Variants in TRPM7 observed in about 807,000 individuals in gnomAD.
TRPM7 encodes transient receptor potential cation channel subfamily M member 7, also known as LTRPC ion channel family member 7.
TRPM7 carries 134 observed loss-of-function variants against 229.7 expected under a neutral mutation model. That is an observed-to-expected ratio of 0.58 (90% CI 0.51 to 0.67). TRPM7 has a LOEUF of 0.67. Ranked by LOEUF, TRPM7 falls within the 30% of genes least tolerant of loss-of-function variation. The pLI, the probability that TRPM7 is intolerant of heterozygous loss-of-function variation, is 0.00. For missense variants in TRPM7, 1,901 were observed against 2,210.0 expected, an observed-to-expected ratio of 0.86 and a Z score of 2.80; for synonymous variants, 699 against 715.2, an observed-to-expected ratio of 0.98 and a Z score of 0.36.
At chr15:50,601,479 T>C (rs1424799278) in intron 21 of TRPM7, among the ~76,000 whole-genome samples, 1 of 151,934 alleles carries the variant, frequency 6.6e-6, no homozygotes, top group Admixed American at 6.6e-5. Context: ...CTGTCTCCAC[T>C]AAAAATACAA....
At position 50,557,577 on chromosome 15, in the gene TRPM7, A is replaced by C. The variant is rs1175103453; in HGVS notation, c.*4101T>G. The C allele has an allele frequency of 6.6e-6, 1 of 152,264 alleles. No individual in the cohort carries two copies. The highest frequency in any genetic ancestry group is 1.5e-5 in the Non-Finnish European group (1 of 68,048). The allele number at this position is 152,264 out of a possible 1,614,324, so 9.4% of individuals were successfully genotyped here. A position where few individuals can be genotyped will look rare whatever the true frequency, so the allele number is the denominator to read the frequency against. The stretch of plus-strand genomic sequence containing the variant: ...AATACAATCAACATGTATTACTTGT[A>C]AAATAATAGCATACATATATCGACA... On this transcript the variant is annotated 3_prime_UTR_variant, in exon 39 of 39. Transcript: ENST00000646667.
At position 50,612,100 on chromosome 15, in the gene TRPM7, CTTT is replaced by C. The variant is rs772411640; in HGVS notation, c.2051+446_2051+448del. 4.6e-5 allele frequency among the ~76,000 whole-genome samples: 7 copies of C among 152,254 alleles called. No individual in the cohort carries two copies. The East Asian group carries it at 1.2e-3, about 25-fold the overall frequency. ...ATTAAAATGAATTCTGGCATTTCTT[CTTT>C]GTTTCGAGACAGGGTCTATTGCTGT... is the stretch of plus-strand genomic sequence containing the variant. On this transcript the variant is annotated intron_variant, in intron 16 of 38. Transcript: ENST00000646667.
rs923671830 is a variant in TRPM7 at position 50,559,252 on chromosome 15, T to G, written c.*2426A>C. 5.3e-5 allele frequency: 8 copies of G among 151,980 alleles called. No homozygotes were observed. Among genetic ancestry groups the G allele is most frequent in the Non-Finnish European group, 1.2e-4 (8 of 68,062 alleles). 9.4% of individuals were successfully genotyped at this position (151,980 alleles called of 1,614,324 possible). ...ATTTTTAGTAGAGACGGGGTTTCAC[T>G]ATGTTGGTCAGGCTGGTCTCGAACT... On this transcript the variant is annotated 3_prime_UTR_variant, in exon 39 of 39. Transcript: ENST00000646667.
rs1409591900 is a variant in TRPM7 at position 50,592,066 on chromosome 15, CTAG to C, written c.4166_4168del (p.Thr1389del). Reference sequence around the variant, plus strand: ...TGGTGGGGATGACAGATGTGGTATGCTAGTAGATGAACTGCCTAATTTTTGATT... The same window carrying C: ...TGGTGGGGATGACAGATGTGGTATGCTAGATGAACTGCCTAATTTTTGATT... On this transcript the variant is annotated inframe_deletion, in exon 26 of 39. Transcript: ENST00000646667. The C allele has an allele frequency of 2.5e-6, 4 of 1,612,946 alleles. No homozygotes were observed. The highest frequency in any genetic ancestry group is 2.7e-5 in the African/African-American group (2 of 74,840).
chr15:50,679,955 A>G (rs12591116), intron 1 of TRPM7, among the ~76,000 whole-genome samples: 1 of 151,910 alleles, frequency 6.6e-6, no homozygotes, highest in Non-Finnish European at 1.5e-5. Flanking sequence ...AAAATGCATG[A>G]CCGGGCGGTG....
In TRPM7 at chr15:50,643,018, G is replaced by A. The variant is rs1255734811; in HGVS notation, c.535+322C>T. ...TTATAAAAAAATTTAAGGGCCGGGC[G>A]TGGTGGCTAATGCCTGTAATCCCAG... On this transcript the variant is annotated intron_variant, in intron 5 of 38. Coordinates refer to ENST00000646667, the MANE Select transcript of TRPM7 (RefSeq NM_017672.6). Among the ~76,000 whole-genome samples, 12 of 152,164 alleles carry A rather than the reference G, an allele frequency of 7.9e-5. No individual in the cohort carries two copies. The East Asian group carries it at 1.3e-3, about 17-fold the overall frequency.
At chr15:50,668,283 G>A (rs1166635001) in intron 1 of TRPM7, among the ~76,000 whole-genome samples, 7 of 152,162 alleles carry the variant, frequency 4.6e-5, no homozygotes, top group African/African-American at 1.7e-4. Flanking sequence ...TTAACTTCAT[G>A]GACTGAATTA....
chr15:50,645,786 C>T (rs935013779), intron 4 of TRPM7, among the ~76,000 whole-genome samples: 2 of 152,038 alleles, frequency 1.3e-5, no homozygotes, highest in Admixed American at 1.3e-4. Flanking sequence ...CAATGATGGG[C>T]TAGGTTGATT....
At chr15:50,638,248 A>G (rs1056302351) in intron 6 of TRPM7, among the ~76,000 whole-genome samples, 31 of 150,350 alleles carry the variant, frequency 2.1e-4, no homozygotes, top group African/African-American at 7.1e-4. Flanking sequence ...AGTCCCAGCT[A>G]CTCGGGAGGC....
intron 27 of TRPM7, among the ~76,000 whole-genome samples, chr15:50,588,632 T>C (rs1405262374): frequency 6.6e-6 from 1 of 152,172 alleles, no homozygotes; most frequent in Non-Finnish European, 1.5e-5. Flanking sequence ...GTTTTCACTG[T>C]GTATGTCACT....
chr15:50,646,845 TTATA>T (rs1186459955), intron 4 of TRPM7, among the ~76,000 whole-genome samples: 1 of 152,198 alleles, frequency 6.6e-6, no homozygotes, highest in Non-Finnish European at 1.5e-5. Context: ...TTTTTCTTGT[TTATA>T]TATATTTAGA....
At chr15:50,651,901 CAATA>C (rs888395623) in intron 3 of TRPM7, among the ~76,000 whole-genome samples, 6 of 151,198 alleles carry the variant, frequency 4.0e-5, no homozygotes, top group African/African-American at 1.2e-4. Flanking sequence ...TAAATAAATA[CAATA>C]AATAAATAAA....
At chr15:50,676,051 A>G (rs1377347726) in intron 1 of TRPM7, among the ~76,000 whole-genome samples, 1 of 152,242 alleles carries the variant, frequency 6.6e-6, no homozygotes, top group African/African-American at 2.4e-5. Flanking sequence ...AAGTTGTTTT[A>G]GCACAATGCA....
intron 29 of TRPM7, chr15:50,582,468 T>C (rs1400929983): frequency 6.6e-6 from 1 of 152,156 alleles, no homozygotes; most frequent in African/African-American, 2.4e-5. Flanking sequence ...GAGTTCTAAA[T>C]TGCCATTGTG....
chr15:50,678,239 C>CAAAAAAAAAAAAAAAAAAA (rs527874854), intron 1 of TRPM7, among the ~76,000 whole-genome samples: 1 of 92,100 alleles, frequency 1.1e-5, no homozygotes. Context: ...GACTCTCTCT[C>CAAAAAAAAAAAAAAAAAAA]AAAAAAAAAA....
rs1376256274 is a variant in TRPM7 at position 50,575,777 on chromosome 15, T to C, written c.4682A>G (p.Asn1561Ser). 1 of 1,613,620 alleles carries C rather than the reference T, an allele frequency of 6.2e-7. No individual in the cohort carries two copies. The highest frequency in any genetic ancestry group is 8.5e-7 in the Non-Finnish European group (1 of 1,179,778). ...TNYYYSAVER[N>S]NLMRLSQSIP... ...GCTCTGTGATAACCTCATCAAGTTA[T>C]TTCTTTCCACAGCTGCATAAAAATG... is the stretch of plus-strand genomic sequence containing the variant. Residue 1561 changes from asparagine to serine, a missense_variant, in exon 33 of 39, where the codon AAT (asparagine) becomes AGT (serine). Coordinates refer to ENST00000646667, the MANE Select transcript of TRPM7 (RefSeq NM_017672.6).
At chr15:50,628,557 C>T (rs997976203) in intron 10 of TRPM7, among the ~76,000 whole-genome samples, 4 of 152,124 alleles carry the variant, frequency 2.6e-5, no homozygotes, top group Admixed American at 6.5e-5. Flanking sequence ...CCTGCCACTT[C>T]GGCCTCCCAG....
intron 36 of TRPM7, 76 bp from the exon 37 acceptor site, chr15:50,570,231 A>C: frequency 9.5e-7 from 1 of 1,054,352 alleles, no homozygotes. Context: ...TGCATAATAA[A>C]AATCATCTTA....
At position 50,559,970 on chromosome 15, in the gene TRPM7, A is replaced by T. The variant is rs2053247767; in HGVS notation, c.*1708T>A. 1 of 146,284 alleles carries T rather than the reference A, an allele frequency of 6.8e-6. No homozygotes were observed. Among genetic ancestry groups the T allele is most frequent in the Admixed American group, 7.2e-5 (1 of 13,844 alleles). 9.1% of individuals were successfully genotyped at this position (146,284 alleles called of 1,614,324 possible). ...GGCGGTTGTGGTGAGCTGAGATCGC[A>T]CCACTGCACTCCAGCCCAAGCAACA... On this transcript the variant is annotated 3_prime_UTR_variant, in exon 39 of 39. Transcript: ENST00000646667.
Sources: allele counts gnomAD v4.1 joint callset (sites outside exome capture counted in the v4.1 genomes callset), GRCh38; gene constraint gnomAD v4.1.1; transcripts MANE v1.5; gene names NCBI Gene and HGNC (gene_info 2026-07-23, HGNC 2026-07-21).